SUGT1: variants seen among roughly 807,000 people sequenced by gnomAD.
SUGT1 encodes the protein protein SGT1 homolog.
Under a neutral mutation model 56.1 loss-of-function variants are expected in SUGT1, and 15 were observed. That is an observed-to-expected ratio of 0.27 (90% CI 0.18 to 0.41). SUGT1 has a LOEUF of 0.41. Ranked by LOEUF, SUGT1 falls within the 10% of genes least tolerant of loss-of-function variation. The pLI is 1.00. For missense variants in SUGT1, 347 were observed against 382.2 expected, an observed-to-expected ratio of 0.91 and a Z score of 0.77; for synonymous variants, 123 against 128.6, an observed-to-expected ratio of 0.96 and a Z score of 0.30.
rs1963921430 is a variant in SUGT1 at position 52,696,094 on chromosome 13, G to C, written c.*8259G>C. 1 of 152,248 alleles carries C rather than the reference G, an allele frequency of 6.6e-6. No individual in the cohort carries two copies. Among genetic ancestry groups the C allele is most frequent in the African/African-American group, 2.4e-5 (1 of 41,448 alleles). The allele number at this position is 152,248 out of a possible 1,614,324, so 9.4% of individuals were successfully genotyped here. Reference sequence around the variant, plus strand: ...TTGTTTGTCAGACCAGTACATTACAGTTGGTTCATTTCTTCCCCCGTGTGA... The same window carrying C: ...TTGTTTGTCAGACCAGTACATTACACTTGGTTCATTTCTTCCCCCGTGTGA... On this transcript the variant is annotated 3_prime_UTR_variant, in exon 13 of 13. Transcript: ENST00000310528.
chr13:52,663,180 A>G, intron 7 of SUGT1, 68 bp downstream of exon 7: 1 of 1,518,464 alleles, frequency 6.6e-7, no homozygotes, highest in Non-Finnish European at 9.0e-7. Context: ...TATATTTGAG[A>G]CAAGACTCAG....
At chr13:52,675,321 C>G (rs898772241) in intron 10 of SUGT1, among the ~76,000 whole-genome samples, 1 of 152,198 alleles carries the variant, frequency 6.6e-6, no homozygotes, top group Non-Finnish European at 1.5e-5. Flanking sequence ...TGCCTGTAAT[C>G]CTAGCACTTT....
At chr13:52,671,689 A>G (rs1962946266) in intron 10 of SUGT1, among the ~76,000 whole-genome samples, 1 of 152,154 alleles carries the variant, frequency 6.6e-6, no homozygotes, top group African/African-American at 2.4e-5. Context: ...TTCTTTTCAT[A>G]CATAGTGTCA....
At position 52,688,053 on chromosome 13, in the gene SUGT1, T is replaced by A; in HGVS notation, c.*218T>A. ...CTGTCCTTAAAGGTTTCAGACATGG[T>A]GAAACTGAATAAAGCATGTCATTTG... On this transcript the variant is annotated 3_prime_UTR_variant, in exon 13 of 13. Transcript: ENST00000310528. 1 of 318,696 alleles carries A rather than the reference T, an allele frequency of 3.1e-6. No homozygotes were observed. The highest frequency in any genetic ancestry group is 5.7e-6 in the Non-Finnish European group (1 of 174,950). 19.7% of individuals were successfully genotyped at this position (318,696 alleles called of 1,614,324 possible).
Position 52,666,897 on chromosome 13 carries a change from C to T in SUGT1, c.605C>T (p.Thr202Met), listed in dbSNP as rs34913660. 4.3e-5 allele frequency: 70 copies of T among 1,612,154 alleles called. No homozygotes were observed. In the East Asian group the frequency reaches 1.0e-3, roughly 23 times the overall value. Residue 202 changes from threonine to methionine, a missense_variant, in exon 10 of 13, where the codon ACG (threonine) becomes ATG (methionine). Coordinates refer to ENST00000310528, the MANE Select transcript of SUGT1 (RefSeq NM_006704.5). ...CATCCTATAATACCAGAACAGAGCA[C>T]GTTTAAAGTACTTTCAACAAAGGTA... ...LLHPIIPEQS[T>M]FKVLSTKIEI...
At chr13:52,681,136 C>T (rs1265450978) in intron 12 of SUGT1, among the ~76,000 whole-genome samples, 1 of 152,006 alleles carries the variant, frequency 6.6e-6, no homozygotes, top group East Asian at 1.9e-4. Flanking sequence ...CCTCAACCAG[C>T]CTCACTATTG....
rs149654192 is a variant in SUGT1, at chr13:52,685,413, C to A, written c.901-2321C>A. Among the ~76,000 whole-genome samples, 861 of 151,930 alleles carry A rather than the reference C, an allele frequency of 5.7e-3. 4 individuals carry two copies. Among genetic ancestry groups the A allele is most frequent in the African/African-American group, 0.02 (831 of 41,430 alleles). The stretch of plus-strand genomic sequence containing the variant: ...CCTGGCCCCTTTTAGAGTCTTTTTA[C>A]CTCTGTTTCATATGTAGCATCTAGG... On this transcript the variant is annotated intron_variant, in intron 12 of 12. Transcript: ENST00000310528.
Position 52,693,879 on chromosome 13 carries a change from C to G in SUGT1, c.*6044C>G, listed in dbSNP as rs911573704. On this transcript the variant is annotated 3_prime_UTR_variant, in exon 13 of 13. Coordinates refer to ENST00000310528, the MANE Select transcript of SUGT1 (RefSeq NM_006704.5). ...TTGTTACAAAATACAGCAGTTGCCC[C>G]TTAACTGTGGCAGATACATTCCAAG... 1 of 152,170 alleles carries G rather than the reference C, an allele frequency of 6.6e-6. No homozygotes were observed. The highest frequency in any genetic ancestry group is 1.5e-5 in the Non-Finnish European group (1 of 68,026). 9.4% of individuals were successfully genotyped at this position (152,170 alleles called of 1,614,324 possible). A position where few individuals can be genotyped will look rare whatever the true frequency, so the allele number is the denominator to read the frequency against.
In SUGT1 at chr13:52,665,795, A is replaced by G. The variant is rs187307417; in HGVS notation, c.519+62A>G. On this transcript the variant is annotated intron_variant, in intron 9 of 12. Transcript: ENST00000310528. ...ATTATTTGCAAATTTAGTATATTGC[A>G]GAATAATCGATAACGGTTTATCAGA... The G allele has an allele frequency of 1.0e-4, 112 of 1,082,886 alleles. 1 individual carries two copies. In the East Asian group the frequency reaches 2.5e-3, roughly 24 times the overall value. The allele number at this position is 1,082,886 out of a possible 1,614,324, so 67.1% of individuals were successfully genotyped here. A position where few individuals can be genotyped will look rare whatever the true frequency, so the allele number is the denominator to read the frequency against.
At chr13:52,655,098 C>T (rs966347002) in intron 2 of SUGT1, among the ~76,000 whole-genome samples, 3 of 152,216 alleles carry the variant, frequency 2.0e-5, no homozygotes, top group Non-Finnish European at 4.4e-5. Flanking sequence ...ATAGTCCCAG[C>T]ACTCTGGGAG....
intron 6 of SUGT1, 95 bp from the exon 7 acceptor site, chr13:52,663,001 C>G: frequency 7.2e-7 from 1 of 1,388,186 alleles, no homozygotes; most frequent in Admixed American, 2.2e-5. Flanking sequence ...AATTTGCTTG[C>G]TTAATCAGTA....
At position 52,680,017 on chromosome 13, in the gene SUGT1, T is replaced by A. The variant is rs750022979; in HGVS notation, c.762T>A (p.Asn254Lys). 1.2e-6 allele frequency: 2 copies of A among 1,601,462 alleles called. No homozygotes were observed. Among genetic ancestry groups the A allele is most frequent in the Non-Finnish European group, 8.5e-7 (1 of 1,176,772 alleles). The change falls in exon 12 of 13, where the codon AAT (asparagine) becomes AAA (lysine). Residue 254 changes from asparagine to lysine, a missense_variant. By Grantham distance (94) the Asn-to-Lys change is moderately conservative. Coordinates refer to ENST00000310528, the MANE Select transcript of SUGT1 (RefSeq NM_006704.5). ...LYPSSSPYTR[N>K]WDKLVGEIKE... ...CATCATCATCTCCTTATACAAGAAATTGGGATAAATTGGTTGGTGAGATCA... is the reference window on the plus strand; with the variant it reads ...CATCATCATCTCCTTATACAAGAAAATGGGATAAATTGGTTGGTGAGATCA...
chr13:52,674,077 C>CA (rs1963049622), intron 10 of SUGT1, among the ~76,000 whole-genome samples: 1 of 19,530 alleles, frequency 5.1e-5, no homozygotes, highest in African/African-American at 2.3e-4. Flanking sequence ...TTTTTTTTGA[C>CA]AGAGTCTCGC....
Position 52,652,895 on chromosome 13 carries a change from G to A in SUGT1, c.-26G>A, listed in dbSNP as rs754322146. On this transcript the variant is annotated 5_prime_UTR_variant, in exon 1 of 13. Transcript: ENST00000310528. The stretch of plus-strand genomic sequence containing the variant: ...TGGTAACCGTGATAGTAGCAGCTCC[G>A]GCGGCAGCAACAGCGACTACGAGGG... 10 of 1,611,350 alleles carry A rather than the reference G, an allele frequency of 6.2e-6. No homozygotes were observed. Among genetic ancestry groups the A allele is most frequent in the Non-Finnish European group, 8.5e-6 (10 of 1,178,586 alleles).
intron 10 of SUGT1, among the ~76,000 whole-genome samples, chr13:52,673,260 G>T (rs370816117): frequency 8.1e-5 from 12 of 148,022 alleles, no homozygotes; most frequent in African/African-American, 1.2e-4. Context: ...TTTTTTGTGT[G>T]GGGGTAGATA....
In SUGT1 at chr13:52,694,686, G is replaced by GTTTGTT. The variant is rs961640957; in HGVS notation, c.*6868_*6873dup. The GTTTGTT allele has an allele frequency of 2.0e-5, 3 of 152,246 alleles. No homozygotes were observed. The highest frequency in any genetic ancestry group is 7.2e-5 in the African/African-American group (3 of 41,454). 9.4% of individuals were successfully genotyped at this position (152,246 alleles called of 1,614,324 possible). On this transcript the variant is annotated 3_prime_UTR_variant, in exon 13 of 13. Coordinates refer to ENST00000310528, the MANE Select transcript of SUGT1 (RefSeq NM_006704.5). The stretch of plus-strand genomic sequence containing the variant: ...TGAAAAGAAGCTGATATTTGTTTGT[G>GTTTGTT]TTTGTTTTTGTTTTTGTTTTTGAGA...
chr13:52,687,733 G>A lies in SUGT1; in HGVS notation c.901-1G>A. ...TAATCTATTTTTATTTTTCATTGCA[G>A]ATGGAGTCGGGTGGTACAGTTTTGA... On this transcript the variant is annotated splice_acceptor_variant, in intron 12 of 12. Transcript: ENST00000310528. LOFTEE classifies it high-confidence loss of function. 1.3e-6 allele frequency: 2 copies of A among 1,573,182 alleles called. No homozygotes were observed. The highest frequency in any genetic ancestry group is 1.2e-5 in the South Asian group (1 of 82,560).
At position 52,662,666 on chromosome 13, in the gene SUGT1, A is replaced by C; in HGVS notation, c.346A>C (p.Ser116Arg). The C allele has an allele frequency of 6.2e-7, 1 of 1,613,816 alleles. No individual in the cohort carries two copies. Among genetic ancestry groups the C allele is most frequent in the Non-Finnish European group, 8.5e-7 (1 of 1,179,798 alleles). Residue 116 changes from serine (S) to arginine (R), a missense_variant, in exon 6 of 13, where the codon AGT becomes CGT. Ser to Arg is a moderately radical substitution (Grantham distance 110). Coordinates refer to ENST00000310528, the MANE Select transcript of SUGT1 (RefSeq NM_006704.5). ...QKLDSADANF[S>R]VWIKRCQEAQ... ...CTTTCTAGGTGCAGATGCTAATTTC[A>C]GTGTCTGGATTAAAAGGTGTCAAGA...
At chr13:52,673,028 A>G (rs1057237473) in intron 10 of SUGT1, among the ~76,000 whole-genome samples, 2 of 152,190 alleles carry the variant, frequency 1.3e-5, no homozygotes, top group Admixed American at 6.5e-5. Context: ...CCAAAGTTTT[A>G]AGTTACTTTT....
Sources: allele counts gnomAD v4.1 joint callset (sites outside exome capture counted in the v4.1 genomes callset), GRCh38; gene constraint gnomAD v4.1.1; transcripts MANE v1.5; gene names NCBI Gene and HGNC (gene_info 2026-07-23, HGNC 2026-07-21).